Variants in SLC1A3 observed in about 807,000 individuals in gnomAD.
SLC1A3 encodes the protein solute carrier family 1 member 3.
SLC1A3 carries 21 observed loss-of-function variants against 48.1 expected under a neutral mutation model. The observed-to-expected ratio is 0.44, with a 90% CI of 0.31 to 0.63. The LOEUF (loss-of-function observed/expected upper bound fraction) is 0.63. Among genes scored for constraint, SLC1A3 ranks in the 20% least tolerant of loss-of-function variants. The pLI is 0.08. For missense variants in SLC1A3, 546 were observed against 689.0 expected, an observed-to-expected ratio of 0.79 and a Z score of 2.32; for synonymous variants, 239 against 251.4, an observed-to-expected ratio of 0.95 and a Z score of 0.47.
chr5:36,671,231 C>T lies in SLC1A3; in HGVS notation c.522C>T (p.Ile174=), dbSNP rs1480305120. 1 of 1,610,722 alleles carries T rather than the reference C, an allele frequency of 6.2e-7. No homozygotes were observed. The highest frequency in any genetic ancestry group is 8.5e-7 in the Non-Finnish European group (1 of 1,177,292). Residue 174 remains isoleucine (I), a splice_region_variant and synonymous_variant, in exon 4 of 10, where the codon ATC becomes ATT. Coordinates refer to ENST00000265113, the MANE Select transcript of SLC1A3 (RefSeq NM_004172.5). ...CTGCAGATGCCTTCCTGGACTTGAT[C>T]AGGTATGTCCTTGCAAGCCCGTCCT... ...VTAADAFLDL[I]RNMFPPNLVE...
Position 36,671,206 on chromosome 5 carries a change from C to T in SLC1A3, c.497C>T (p.Ala166Val). ...HREGKIVRVT[A>V]ADAFLDLIRN... ...GAAGGCAAAATTGTACGAGTGACAGCTGCAGATGCCTTCCTGGACTTGATC... is the reference window on the plus strand; with the variant it reads ...GAAGGCAAAATTGTACGAGTGACAGTTGCAGATGCCTTCCTGGACTTGATC... Residue 166 changes from alanine to valine, a missense_variant, in exon 4 of 10, where the codon GCT becomes GTT. This residue lies in a region of SLC1A3 where 348 missense variants were observed against 392.0 expected (regional missense o/e 0.89). Transcript: ENST00000265113. 1.2e-6 allele frequency: 2 copies of T among 1,613,552 alleles called. No homozygotes were observed. The highest frequency in any genetic ancestry group is 1.7e-6 in the Non-Finnish European group (2 of 1,179,580).
intron 3 of SLC1A3, among the ~76,000 whole-genome samples, chr5:36,656,364 T>C (rs73089408): frequency 0.044 from 6,691 of 152,268 alleles, 527 homozygotes; most frequent in African/African-American, 0.15. Flanking sequence ...TCTAGAGCCA[T>C]GTAACCCCTG....
chr5:36,608,684 T>C lies in SLC1A3; in HGVS notation c.181+80T>C, dbSNP rs1006035589. The C allele has an allele frequency of 1.2e-5, 19 of 1,585,580 alleles. No homozygotes were observed. The African/African-American group carries it at 1.6e-4, about 14-fold the overall frequency. Reference sequence around the variant, plus strand: ...TGGCTGCCCGGGGAATATTATCAGATGAACTAGTTGTAGGTATCAAAATGG... The same window carrying C: ...TGGCTGCCCGGGGAATATTATCAGACGAACTAGTTGTAGGTATCAAAATGG... On this transcript the variant is annotated intron_variant, in intron 2 of 9. Coordinates refer to ENST00000265113, the MANE Select transcript of SLC1A3 (RefSeq NM_004172.5).
chr5:36,615,668 T>C (rs1299724175), intron 2 of SLC1A3, among the ~76,000 whole-genome samples: 2 of 152,230 alleles, frequency 1.3e-5, no homozygotes, highest in Non-Finnish European at 2.9e-5. Context: ...GTTTTTGCTA[T>C]GGAATAAATA....
chr5:36,674,026 A>C, intron 4 of SLC1A3, 23 bp from the exon 5 acceptor site: 1 of 1,609,986 alleles, frequency 6.2e-7, no homozygotes, highest in Non-Finnish European at 8.5e-7. Context: ...AAATTTTGCA[A>C]GTGACTATTA....
chr5:36,610,625 A>T (rs1377334845), intron 2 of SLC1A3, among the ~76,000 whole-genome samples: 2 of 152,196 alleles, frequency 1.3e-5, no homozygotes, highest in Non-Finnish European at 2.9e-5. Flanking sequence ...TCATTAGTAC[A>T]AAGCAATAAC....
chr5:36,657,980 C>T (rs553204659), intron 3 of SLC1A3, among the ~76,000 whole-genome samples: 5 of 152,302 alleles, frequency 3.3e-5, no homozygotes, highest in African/African-American at 7.2e-5. Flanking sequence ...GGTGTTGAAT[C>T]CAATCCAAGA....
intron 4 of SLC1A3, among the ~76,000 whole-genome samples, chr5:36,672,119 G>A (rs1742021163): frequency 1.3e-5 from 2 of 152,170 alleles, no homozygotes; most frequent in Non-Finnish European, 2.9e-5. Context: ...GGAGCAAAGG[G>A]AACCCAGAAA....
At chr5:36,611,881 G>A (rs560838983) in intron 2 of SLC1A3, among the ~76,000 whole-genome samples, 1 of 152,254 alleles carries the variant, frequency 6.6e-6, no homozygotes, top group East Asian at 1.9e-4. Context: ...CCATGGCTAG[G>A]GAATGAATTG....
chr5:36,631,542 A>G (rs1740134341), intron 3 of SLC1A3, among the ~76,000 whole-genome samples: 1 of 152,254 alleles, frequency 6.6e-6, no homozygotes, highest in Non-Finnish European at 1.5e-5. Context: ...ATAAGCTGCA[A>G]ACAACTAATA....
At chr5:36,680,637 G>C (rs374310289) in intron 8 of SLC1A3, 48 bp downstream of exon 8, 6 of 1,526,520 alleles carry the variant, frequency 3.9e-6, no homozygotes, top group African/African-American at 2.7e-5. Context: ...TGCCTTTAAG[G>C]CTGGGCGTGG....
At chr5:36,667,371 T>A (rs75882000) in intron 3 of SLC1A3, among the ~76,000 whole-genome samples, 6,625 of 152,296 alleles carry the variant, frequency 0.044, 181 homozygotes, top group Middle Eastern at 0.095. Flanking sequence ...TCAAGCCAAG[T>A]GGCTCATCTT....
At chr5:36,668,003 C>T (rs1369616858) in intron 3 of SLC1A3, 1 of 152,172 alleles carries the variant, frequency 6.6e-6, no homozygotes, top group Non-Finnish European at 1.5e-5. Flanking sequence ...TAACACACTC[C>T]CACAATTACC....
intron 9 of SLC1A3, among the ~76,000 whole-genome samples, chr5:36,685,340 A>C (rs1279408632): frequency 6.6e-6 from 1 of 152,210 alleles, no homozygotes; most frequent in Non-Finnish European, 1.5e-5. Flanking sequence ...GCAATGGCAC[A>C]GTCTTGGCTC....
intron 3 of SLC1A3, among the ~76,000 whole-genome samples, chr5:36,639,159 G>C (rs1034916419): frequency 1.3e-5 from 2 of 152,202 alleles, no homozygotes; most frequent in Admixed American, 1.3e-4. Context: ...TGGAAGCCCA[G>C]CGTGGCCACT....
At chr5:36,632,949 G>A (rs1294695790) in intron 3 of SLC1A3, among the ~76,000 whole-genome samples, 3 of 152,142 alleles carry the variant, frequency 2.0e-5, no homozygotes, top group Non-Finnish European at 4.4e-5. Context: ...AAGAAGCTGG[G>A]AGGAAGCCTA....
At chr5:36,604,912 G>C (rs535973587), upstream of SLC1A3, among the ~76,000 whole-genome samples, 11 of 149,402 alleles carry the variant, frequency 7.4e-5, no homozygotes, top group African/African-American at 2.2e-4. Context: ...GCGGTGGGGG[G>C]GGGGGGTGTG....
At chr5:36,614,457 C>A (rs1424413402) in intron 2 of SLC1A3, among the ~76,000 whole-genome samples, 1 of 152,052 alleles carries the variant, frequency 6.6e-6, no homozygotes, top group Non-Finnish European at 1.5e-5. Flanking sequence ...TTGTAACGGG[C>A]TTTTAGATGC....
intron 3 of SLC1A3, among the ~76,000 whole-genome samples, chr5:36,660,128 A>G (rs150750428): frequency 2.6e-5 from 4 of 152,284 alleles, no homozygotes; most frequent in Admixed American, 6.5e-5. Flanking sequence ...CCATCTACCA[A>G]TTGTGTTTGT....
Sources: allele counts gnomAD v4.1 joint callset (sites outside exome capture counted in the v4.1 genomes callset), GRCh38; gene constraint gnomAD v4.1.1; regional missense constraint gnomAD v4.1.1; transcripts MANE v1.5; gene names NCBI Gene and HGNC (gene_info 2026-07-23, HGNC 2026-07-21).